Variants in ATXN1 observed in about 807,000 individuals in gnomAD.
ATXN1 encodes the protein ataxin-1.
In ATXN1, 8 loss-of-function variants were observed where a neutral mutation model predicts 56.4. The ratio of observed to expected loss-of-function variants is 0.14; its 90% CI spans 0.08 to 0.26. The LOEUF (loss-of-function observed/expected upper bound fraction) is 0.26. Among genes scored for constraint, ATXN1 ranks in the 10% least tolerant of loss-of-function variants. The pLI is 1.00. For synonymous variants in ATXN1, 514 were observed against 494.6 expected (o/e 1.04, Z -0.52); for missense variants, 987 against 1,106.5 (o/e 0.89, Z 1.53).
chr6:16,498,652 G>T (rs974068062), intron 5 of ATXN1, among the ~76,000 whole-genome samples: 2 of 152,120 alleles, frequency 1.3e-5, no homozygotes, highest in African/African-American at 2.4e-5. Context: ...GCCAACACTT[G>T]TTATTTTCCT....
chr6:16,567,673 A>G (rs1762254327), intron 4 of ATXN1, among the ~76,000 whole-genome samples: 1 of 151,812 alleles, frequency 6.6e-6, no homozygotes, highest in Non-Finnish European at 1.5e-5. Context: ...TTGTATATGG[A>G]TAGTAAGTTC....
chr6:16,436,042 C>T (rs892269810), intron 6 of ATXN1, among the ~76,000 whole-genome samples: 1 of 151,968 alleles, frequency 6.6e-6, no homozygotes, highest in African/African-American at 2.4e-5. Context: ...GGACTACAGG[C>T]GCCTGCCACC....
chr6:16,703,835 C>T (rs1228119112), intron 2 of ATXN1, among the ~76,000 whole-genome samples: 3 of 152,190 alleles, frequency 2.0e-5, no homozygotes, highest in African/African-American at 7.2e-5. Flanking sequence ...ATCTGGCCAA[C>T]ATAGTGAAAC....
At position 16,490,623 on chromosome 6, in the gene ATXN1, A is replaced by T. The variant is rs752725738; in HGVS notation, c.-298-4514T>A. Among the ~76,000 whole-genome samples, 31 of 152,188 alleles carry T rather than the reference A, an allele frequency of 2.0e-4. 1 individual carries two copies. The highest frequency in any genetic ancestry group is 1.2e-4 in the Non-Finnish European group (8 of 68,036). On this transcript the variant is annotated intron_variant, in intron 5 of 7. Coordinates refer to ENST00000436367, the MANE Select transcript of ATXN1 (RefSeq NM_001128164.2). ...TCTCTAACAATGTCTGATACAGTTC[A>T]CTAGTAATAGTTCCTTCCATTTTCT... is the stretch of plus-strand genomic sequence containing the variant.
At chr6:16,383,532 A>G (rs1017403393) in intron 6 of ATXN1, among the ~76,000 whole-genome samples, 3 of 152,228 alleles carry the variant, frequency 2.0e-5, no homozygotes, top group South Asian at 4.1e-4. Context: ...CCACTTATTA[A>G]AACACAATTC....
At chr6:16,461,936 A>T (rs1359572759) in intron 6 of ATXN1, among the ~76,000 whole-genome samples, 1 of 152,186 alleles carries the variant, frequency 6.6e-6, no homozygotes, top group Non-Finnish European at 1.5e-5. Flanking sequence ...TTCTCCTCAC[A>T]AAATGGGGCT....
At chr6:16,347,021 G>A (rs1184096551) in intron 6 of ATXN1, among the ~76,000 whole-genome samples, 1 of 152,250 alleles carries the variant, frequency 6.6e-6, no homozygotes, top group Non-Finnish European at 1.5e-5. Flanking sequence ...GGGCTTAGCA[G>A]TTGGGCCAGC....
At chr6:16,319,339 A>G (rs1760591505) in intron 7 of ATXN1, among the ~76,000 whole-genome samples, 1 of 152,248 alleles carries the variant, frequency 6.6e-6, no homozygotes, top group African/African-American at 2.4e-5. Flanking sequence ...AGAGACGCCA[A>G]TGTGAAAAGG....
At chr6:16,540,239 A>C (rs1159696924) in intron 4 of ATXN1, among the ~76,000 whole-genome samples, 2 of 152,014 alleles carry the variant, frequency 1.3e-5, no homozygotes. Context: ...TGGAGACGGA[A>C]TCTTGTTCTG....
chr6:16,533,174 A>C (rs60534627), intron 4 of ATXN1, among the ~76,000 whole-genome samples: 1 of 152,316 alleles, frequency 6.6e-6, no homozygotes, highest in African/African-American at 2.4e-5. Flanking sequence ...AATGCCACTG[A>C]ACTGTACACT....
chr6:16,749,962 G>T (rs1162751781), intron 2 of ATXN1: 1 of 152,302 alleles, frequency 6.6e-6, no homozygotes, highest in Non-Finnish European at 1.5e-5. Flanking sequence ...AAAATGTCCT[G>T]GTCAGTTACA....
chr6:16,438,760 A>G (rs1304847690), intron 6 of ATXN1, among the ~76,000 whole-genome samples: 1 of 152,208 alleles, frequency 6.6e-6, no homozygotes, highest in African/African-American at 2.4e-5. Context: ...ATTTAATAGC[A>G]ACACTTCTTA....
intron 3 of ATXN1, among the ~76,000 whole-genome samples, chr6:16,655,866 G>T (rs1758188738): frequency 6.6e-6 from 1 of 152,022 alleles, no homozygotes; most frequent in East Asian, 1.9e-4. Flanking sequence ...GAGGCAGGCG[G>T]ATCACCTGAG....
At chr6:16,725,236 C>T (rs377433237) in intron 2 of ATXN1, among the ~76,000 whole-genome samples, 2 of 152,156 alleles carry the variant, frequency 1.3e-5, no homozygotes, top group African/African-American at 2.4e-5. Context: ...TTCTTAAGTA[C>T]GAGAGCTGAG....
In ATXN1 at chr6:16,328,737, C is replaced by T. The variant is rs1474151344; in HGVS notation, c.-160-267G>A. Among the ~76,000 whole-genome samples, 2 of 151,922 alleles carry T rather than the reference C, an allele frequency of 1.3e-5. No homozygotes were observed. Among genetic ancestry groups the T allele is most frequent in the Admixed American group, 6.6e-5 (1 of 15,244 alleles). ...CATCCTGGCTAACATGGTGAAACCC[C>T]GTCTCTACCAAAAATAAAAAATAAA... On this transcript the variant is annotated intron_variant, in intron 6 of 7. Coordinates refer to ENST00000436367, the MANE Select transcript of ATXN1 (RefSeq NM_001128164.2). The surrounding 1 kb of genome is among the most constrained non-coding windows in gnomAD (Gnocchi z 6.2).
chr6:16,544,612 T>C (rs1761779279), intron 4 of ATXN1, among the ~76,000 whole-genome samples: 1 of 152,080 alleles, frequency 6.6e-6, no homozygotes, highest in Admixed American at 6.6e-5. Flanking sequence ...TCCAGGCGCG[T>C]TGGCGTGTTA....
intron 6 of ATXN1, among the ~76,000 whole-genome samples, chr6:16,374,877 A>G (rs936805472): frequency 1.3e-5 from 2 of 152,242 alleles, no homozygotes; most frequent in Non-Finnish European, 2.9e-5. Context: ...TCCAAGGACA[A>G]GAGGAGGGTA....
intron 2 of ATXN1, among the ~76,000 whole-genome samples, chr6:16,742,919 G>C (rs1030420028): frequency 1.2e-4 from 19 of 152,118 alleles, no homozygotes; most frequent in Admixed American, 1.1e-3. Context: ...CTCTCTTCCA[G>C]ATAAAAGTAT....
chr6:16,326,087 C>T lies in ATXN1; in HGVS notation c.1917+307G>A, dbSNP rs1408362041. ...CTGAAGTCCAGCAGCGTTTCCTAATCAGGGTTCCTCATCTTAATCACAGAA... is the reference window on the plus strand; with the variant it reads ...CTGAAGTCCAGCAGCGTTTCCTAATTAGGGTTCCTCATCTTAATCACAGAA... On this transcript the variant is annotated intron_variant, in intron 7 of 7. Coordinates refer to ENST00000436367, the MANE Select transcript of ATXN1 (RefSeq NM_001128164.2). The surrounding 1 kb of genome is among the most constrained non-coding windows in gnomAD (Gnocchi z 6.6). 6.6e-6 allele frequency among the ~76,000 whole-genome samples: 1 copy of T among 152,190 alleles called. No individual in the cohort carries two copies. Among genetic ancestry groups the T allele is most frequent in the African/African-American group, 2.4e-5 (1 of 41,428 alleles).
Sources: allele counts gnomAD v4.1 joint callset (sites outside exome capture counted in the v4.1 genomes callset), GRCh38; gene constraint gnomAD v4.1.1; non-coding constraint Gnocchi (gnomAD v3.1); transcripts MANE v1.5; gene names NCBI Gene and HGNC (gene_info 2026-07-23, HGNC 2026-07-21).